MYOM1: variants seen among roughly 807,000 people sequenced by gnomAD.
MYOM1 encodes myomesin-1.
Under a neutral mutation model 205.3 loss-of-function variants are expected in MYOM1, and 164 were observed. The ratio of observed to expected loss-of-function variants is 0.80; its 90% CI spans 0.70 to 0.91. MYOM1 has a LOEUF of 0.91. Ranked by LOEUF, MYOM1 falls within the 40% of genes least tolerant of loss-of-function variation. The pLI is 0.00. For missense variants in MYOM1, 2,011 were observed against 2,127.3 expected (o/e 0.95, Z 1.08); for synonymous variants, 772 against 789.4 (o/e 0.98, Z 0.37).
chr18:3,121,828 C>T (rs1220814464), intron 19 of MYOM1, among the ~76,000 whole-genome samples: 1 of 152,086 alleles, frequency 6.6e-6, no homozygotes, highest in African/African-American at 2.4e-5. Flanking sequence ...GAAAATGAAA[C>T]ACAGAACAGG....
Position 3,067,180 on chromosome 18 carries a change from A to G in MYOM1, c.*82T>C. 7.1e-7 allele frequency: 1 copy of G among 1,402,266 alleles called. No homozygotes were observed. The highest frequency in any genetic ancestry group is 1.4e-5 in the South Asian group (1 of 69,568). 86.9% of individuals were successfully genotyped at this position (1,402,266 alleles called of 1,614,324 possible). A position where few individuals can be genotyped will look rare whatever the true frequency, so the allele number is the denominator to read the frequency against. ...CAAGCCAGAAAATAATAGGGAGGAG[A>G]AAGCATGAAGACGTCTCATCCTTAA... On this transcript the variant is annotated 3_prime_UTR_variant, in exon 38 of 38. Coordinates refer to ENST00000356443, the MANE Select transcript of MYOM1 (RefSeq NM_003803.4).
the MYOM1 span, among the ~76,000 whole-genome samples, chr18:3,235,372 T>C: frequency 6.6e-6 from 1 of 152,192 alleles, no homozygotes; most frequent in Non-Finnish European, 1.5e-5. Flanking sequence ...CTCCCAGACT[T>C]ACCCTCTGCT....
chr18:3,220,348 C>T (rs543472374), upstream of MYOM1, among the ~76,000 whole-genome samples: 1 of 151,976 alleles, frequency 6.6e-6, no homozygotes, highest in Non-Finnish European at 1.5e-5. Context: ...TTAAAAGATA[C>T]AATGTGAAAA....
At chr18:3,129,620 G>T in intron 17 of MYOM1, 101 bp from the exon 18 acceptor site, 1 of 1,274,588 alleles carries the variant, frequency 7.8e-7, no homozygotes, top group Non-Finnish European at 1.1e-6. Context: ...ACCACAAGCA[G>T]AACAAAAACA....
At chr18:3,142,700 A>T (rs2080068753) in intron 13 of MYOM1, among the ~76,000 whole-genome samples, 1 of 152,212 alleles carries the variant, frequency 6.6e-6, no homozygotes, top group South Asian at 2.1e-4. Flanking sequence ...AGATCCCAGA[A>T]GTCCCAGAGC....
At chr18:3,199,086 G>T (rs1815955) in intron 2 of MYOM1, among the ~76,000 whole-genome samples, 31,132 of 152,024 alleles carry the variant, frequency 0.2, 3,253 homozygotes, top group South Asian at 0.25. Flanking sequence ...GTATGAGCAG[G>T]GTGTCATTCC....
In MYOM1 at chr18:3,155,162, C is replaced by G. The variant is rs1038231636; in HGVS notation, c.1502-74G>C. ...GTCGGCAGGCAGGTCTCAGCGCACA[C>G]GCTTCTTACCACATCATCACAGTGG... On this transcript the variant is annotated intron_variant, in intron 10 of 37. Transcript: ENST00000356443. 16 of 1,407,060 alleles carry G rather than the reference C, an allele frequency of 1.1e-5. No individual in the cohort carries two copies. In the Admixed American group the frequency reaches 2.5e-4, roughly 22 times the overall value. 87.2% of individuals were successfully genotyped at this position (1,407,060 alleles called of 1,614,324 possible).
chr18:3,118,950 G>C (rs2079646152), intron 20 of MYOM1, among the ~76,000 whole-genome samples: 1 of 152,140 alleles, frequency 6.6e-6, no homozygotes, highest in Non-Finnish European at 1.5e-5. Flanking sequence ...CAAGGGCAAA[G>C]GGTTTCAAAC....
chr18:3,117,064 C>T (rs1050112276), intron 20 of MYOM1, among the ~76,000 whole-genome samples: 3 of 152,058 alleles, frequency 2.0e-5, no homozygotes, highest in African/African-American at 7.2e-5. Flanking sequence ...GCTGTGTTGA[C>T]CAGGCTGGTC....
chr18:3,242,286 TTGAATCA>T, the MYOM1 span, among the ~76,000 whole-genome samples: 6 of 152,226 alleles, frequency 3.9e-5, no homozygotes, highest in South Asian at 1.2e-3. Flanking sequence ...TGGGAGGTAA[TTGAATCA>T]TGGGGGCAGT....
At chr18:3,145,446 C>T (rs2080111186) in intron 13 of MYOM1, among the ~76,000 whole-genome samples, 1 of 152,018 alleles carries the variant, frequency 6.6e-6, no homozygotes, top group African/African-American at 2.4e-5. Flanking sequence ...ATTTAATTTT[C>T]ATAATAGAAT....
chr18:3,210,008 C>T (rs2081171914), intron 2 of MYOM1, among the ~76,000 whole-genome samples: 1 of 152,162 alleles, frequency 6.6e-6, no homozygotes, highest in Non-Finnish European at 1.5e-5. Context: ...CTGGGTGTTC[C>T]CCCTGTGCCA....
chr18:3,091,725 C>T lies in MYOM1; in HGVS notation c.3865-923G>A, dbSNP rs188533099. Among the ~76,000 whole-genome samples, 425 of 134,158 alleles carry T rather than the reference C, an allele frequency of 3.2e-3. 2 individuals carry two copies. Among genetic ancestry groups the T allele is most frequent in the African/African-American group, 0.01 (396 of 38,046 alleles). The allele number at this position is 134,158 out of a possible 152,430, so 88.0% of individuals were successfully genotyped here. A position where few individuals can be genotyped will look rare whatever the true frequency, so the allele number is the denominator to read the frequency against. ...GACTCTCACATTACCTTCCAGATTA[C>T]ATTATTTATTTATTTATTTATTTAG... On this transcript the variant is annotated intron_variant, in intron 26 of 37. Coordinates refer to ENST00000356443, the MANE Select transcript of MYOM1 (RefSeq NM_003803.4).
chr18:3,163,375 T>C (rs942972283), intron 10 of MYOM1, among the ~76,000 whole-genome samples: 2 of 152,266 alleles, frequency 1.3e-5, no homozygotes, highest in East Asian at 1.9e-4. Context: ...CTGATATTAA[T>C]GATGGAAACA....
chr18:3,227,585 G>A, the MYOM1 span, among the ~76,000 whole-genome samples: 1 of 152,160 alleles, frequency 6.6e-6, no homozygotes. Context: ...TTGGGAGACC[G>A]AGGTGGGCGA....
At chr18:3,071,022 G>A (rs1042026186) in intron 37 of MYOM1, among the ~76,000 whole-genome samples, 2 of 152,080 alleles carry the variant, frequency 1.3e-5, no homozygotes, top group Non-Finnish European at 2.9e-5. Context: ...GCCTCCCAAA[G>A]TGTTGAGATT....
the MYOM1 span, chr18:3,236,359 A>C: frequency 6.6e-6 from 1 of 152,398 alleles, no homozygotes; most frequent in African/African-American, 2.4e-5. Context: ...GGATAGTGGC[A>C]GTAGAAGTGG....
chr18:3,100,747 C>T (rs977420161), intron 23 of MYOM1, among the ~76,000 whole-genome samples: 2 of 152,204 alleles, frequency 1.3e-5, no homozygotes, highest in Non-Finnish European at 2.9e-5. Flanking sequence ...GGGAGCCAGA[C>T]ACTTCCCCCG....
intron 26 of MYOM1, among the ~76,000 whole-genome samples, chr18:3,093,933 G>A (rs1243807019): frequency 1.3e-5 from 2 of 152,048 alleles, no homozygotes; most frequent in South Asian, 2.1e-4. Flanking sequence ...GCCTGAGACC[G>A]TTTTGGTTTA....
Sources: allele counts gnomAD v4.1 joint callset (sites outside exome capture counted in the v4.1 genomes callset), GRCh38; gene constraint gnomAD v4.1.1; transcripts MANE v1.5; gene names NCBI Gene and HGNC (gene_info 2026-07-23, HGNC 2026-07-21).